RANBP2: variants seen among roughly 807,000 people sequenced by gnomAD.
RANBP2 encodes RAN binding protein 2, also known as E3 SUMO-protein ligase RanBP2.
In RANBP2, 57 loss-of-function variants were observed where a neutral mutation model predicts 303.6. The ratio of observed to expected loss-of-function variants is 0.19; its 90% CI spans 0.15 to 0.23. RANBP2 has a LOEUF of 0.23. RANBP2 is among the 10% of genes least tolerant of loss of function. The pLI is 1.00. For missense variants in RANBP2, 3,138 were observed against 3,780.8 expected, an observed-to-expected ratio of 0.83 and a Z score of 4.46; for synonymous variants, 1,167 against 1,301.5, an observed-to-expected ratio of 0.90 and a Z score of 2.23.
chr2:109,118,525 T>C, the RANBP2 span, among the ~76,000 whole-genome samples: 1 of 145,748 alleles, frequency 6.9e-6, no homozygotes, highest in Non-Finnish European at 1.5e-5. Flanking sequence ...CCAAGAGAGG[T>C]TTGTCCACCG....
At chr2:109,030,985 A>G in the RANBP2 span, among the ~76,000 whole-genome samples, 1 of 152,176 alleles carries the variant, frequency 6.6e-6, no homozygotes, top group African/African-American at 2.4e-5. Flanking sequence ...CACAGTGTGC[A>G]TGTATACCAC....
the RANBP2 span, among the ~76,000 whole-genome samples, chr2:109,114,145 C>A: frequency 6.6e-6 from 1 of 152,094 alleles, no homozygotes; most frequent in Non-Finnish European, 1.5e-5. Context: ...TGATGCTGGC[C>A]TCATAAAATG....
the RANBP2 span, among the ~76,000 whole-genome samples, chr2:109,284,440 C>T: frequency 1.3e-5 from 2 of 152,214 alleles, no homozygotes; most frequent in East Asian, 1.9e-4. Context: ...TGGTCTAGGG[C>T]GTGTGGACTG....
the RANBP2 span, among the ~76,000 whole-genome samples, chr2:109,329,495 T>C: frequency 6.6e-6 from 1 of 152,222 alleles, no homozygotes; most frequent in East Asian, 1.9e-4. Context: ...TTTCCCTCTG[T>C]GCTGGCTGGA....
At chr2:109,415,517 C>T in the RANBP2 span, among the ~76,000 whole-genome samples, 2 of 152,094 alleles carry the variant, frequency 1.3e-5, no homozygotes, top group Admixed American at 6.5e-5. Context: ...GTGTCCAGAC[C>T]CCCTCCTGAC....
At chr2:109,331,846 A>G in the RANBP2 span, among the ~76,000 whole-genome samples, 1 of 152,278 alleles carries the variant, frequency 6.6e-6, no homozygotes, top group African/African-American at 2.4e-5. Context: ...GCACCCTGTC[A>G]TGCCCCTGGG....
At chr2:109,546,174 T>C in the RANBP2 span, 1 of 1,609,840 alleles carries the variant, frequency 6.2e-7, no homozygotes, top group Non-Finnish European at 8.5e-7. Flanking sequence ...AGTCTTCTCT[T>C]TTCTTCAAGC....
chr2:109,401,232 C>T, the RANBP2 span, among the ~76,000 whole-genome samples: 1 of 152,200 alleles, frequency 6.6e-6, no homozygotes. Flanking sequence ...TCCTTGGCAA[C>T]CTGAGCAACT....
chr2:109,571,277 G>A, the RANBP2 span, among the ~76,000 whole-genome samples: 1 of 152,252 alleles, frequency 6.6e-6, no homozygotes, highest in South Asian at 2.1e-4. Flanking sequence ...ATAGCAATGC[G>A]AGAACGGACT....
At chr2:109,669,615 T>C in the RANBP2 span, among the ~76,000 whole-genome samples, 2 of 152,234 alleles carry the variant, frequency 1.3e-5, no homozygotes, top group African/African-American at 4.8e-5. Context: ...ACGGCCACTA[T>C]GAACACCTCT....
the RANBP2 span, among the ~76,000 whole-genome samples, chr2:109,039,268 G>A: frequency 6.6e-6 from 1 of 152,170 alleles, no homozygotes; most frequent in African/African-American, 2.4e-5. Flanking sequence ...ACGAAGGTGT[G>A]AGCCAATTCT....
chr2:109,553,544 C>CAA, the RANBP2 span, among the ~76,000 whole-genome samples: 5,086 of 95,404 alleles, frequency 0.053, 322 homozygotes, highest in African/African-American at 0.18. Flanking sequence ...ACTCTGTCTC[C>CAA]AAAAAAAAAA....
At chr2:109,488,823 G>A in the RANBP2 span, among the ~76,000 whole-genome samples, 16 of 152,228 alleles carry the variant, frequency 1.1e-4, no homozygotes, top group African/African-American at 2.7e-4. Flanking sequence ...GGCCTGGCAC[G>A]GTGCACAAGA....
the RANBP2 span, among the ~76,000 whole-genome samples, chr2:108,955,861 C>T: frequency 6.6e-6 from 1 of 151,910 alleles, no homozygotes; most frequent in African/African-American, 2.4e-5. Flanking sequence ...ACTGTCTGTA[C>T]TAAAAAAAAT....
At chr2:109,099,231 G>A in the RANBP2 span, among the ~76,000 whole-genome samples, 3 of 152,182 alleles carry the variant, frequency 2.0e-5, no homozygotes, top group Non-Finnish European at 4.4e-5. Context: ...TGTTCACTTT[G>A]GGCGGAGACT....
At chr2:109,527,729 T>C in the RANBP2 span, among the ~76,000 whole-genome samples, 1 of 152,324 alleles carries the variant, frequency 6.6e-6, no homozygotes, top group East Asian at 1.9e-4. Context: ...TCTAAAATTA[T>C]TTCAAAATAA....
the RANBP2 span, among the ~76,000 whole-genome samples, chr2:109,217,356 A>G: frequency 2.6e-5 from 4 of 152,354 alleles, no homozygotes; most frequent in East Asian, 7.7e-4. Flanking sequence ...TGCACTTACC[A>G]TATCGTGAAT....
At chr2:108,976,661 A>G in the RANBP2 span, among the ~76,000 whole-genome samples, 1 of 152,170 alleles carries the variant, frequency 6.6e-6, no homozygotes, top group Non-Finnish European at 1.5e-5. Flanking sequence ...GTCAGTGTGA[A>G]CACATGGGTA....
chr2:109,316,914 C>T, the RANBP2 span, among the ~76,000 whole-genome samples: 14 of 152,204 alleles, frequency 9.2e-5, no homozygotes, highest in Non-Finnish European at 1.6e-4. Context: ...GTAGCCTTTT[C>T]AGACTGGCTT....
Sources: allele counts gnomAD v4.1 joint callset (sites outside exome capture counted in the v4.1 genomes callset), GRCh38; gene constraint gnomAD v4.1.1; transcripts MANE v1.5; gene names NCBI Gene and HGNC (gene_info 2026-07-23, HGNC 2026-07-21).